GSG1L: variants seen among roughly 807,000 people sequenced by gnomAD.
GSG1L encodes GSG1 like.
Under a neutral mutation model 42.1 loss-of-function variants are expected in GSG1L, and 24 were observed. That is an observed-to-expected ratio of 0.57 (90% CI 0.41 to 0.80). GSG1L has a LOEUF of 0.80. Ranked by LOEUF, GSG1L falls within the 30% of genes least tolerant of loss-of-function variation. GSG1L has a pLI of 0.00. For synonymous variants in GSG1L, 215 were observed against 203.5 expected, an observed-to-expected ratio of 1.06 and a Z score of -0.48; for missense variants, 445 against 472.2, an observed-to-expected ratio of 0.94 and a Z score of 0.53.
intron 1 of GSG1L, among the ~76,000 whole-genome samples, chr16:28,054,377 C>T (rs924559677): frequency 6.6e-6 from 1 of 152,176 alleles, no homozygotes; most frequent in Non-Finnish European, 1.5e-5. Flanking sequence ...ACCCACATCA[C>T]CCACACTTTG....
At chr16:28,018,685 C>A (rs1015114771) in intron 1 of GSG1L, among the ~76,000 whole-genome samples, 1 of 151,972 alleles carries the variant, frequency 6.6e-6, no homozygotes, top group South Asian at 2.1e-4. Context: ...ATGCCACCTT[C>A]CCCCCACCCC....
At chr16:28,031,308 GATGGA>G (rs1400304614) in intron 1 of GSG1L, among the ~76,000 whole-genome samples, 1 of 144,720 alleles carries the variant, frequency 6.9e-6, no homozygotes, top group African/African-American at 2.5e-5. Flanking sequence ...GATGGGATGA[GATGGA>G]ATGGGATGGG....
chr16:27,900,338 C>T (rs1045928856), intron 2 of GSG1L, among the ~76,000 whole-genome samples: 1 of 152,226 alleles, frequency 6.6e-6, no homozygotes, highest in Non-Finnish European at 1.5e-5. Flanking sequence ...TTACCATCTC[C>T]ACGTCATGGA....
At position 27,939,931 on chromosome 16, in the gene GSG1L, T is replaced by G. The variant is rs1283864041; in HGVS notation, c.397+23225A>C. On this transcript the variant is annotated intron_variant, in intron 2 of 6. Coordinates refer to ENST00000447459, the MANE Select transcript of GSG1L (RefSeq NM_001109763.2). ...CCTGGGCTCAAATGATCCTCCTGCC[T>G]TGGCCTCCCAAAGTGCCGGGATTAC... Among the ~76,000 whole-genome samples the G allele has an allele frequency of 2.0e-5, 3 of 152,194 alleles. No individual in the cohort carries two copies. The East Asian group carries it at 5.8e-4, about 29-fold the overall frequency.
intron 3 of GSG1L, among the ~76,000 whole-genome samples, chr16:27,866,236 A>G (rs1442394435): frequency 1.3e-5 from 2 of 152,176 alleles, no homozygotes; most frequent in African/African-American, 2.4e-5. Flanking sequence ...TACATGAACT[A>G]CATACAGTGT....
At chr16:27,894,410 G>A (rs2084165653) in intron 2 of GSG1L, among the ~76,000 whole-genome samples, 1 of 152,204 alleles carries the variant, frequency 6.6e-6, no homozygotes, top group African/African-American at 2.4e-5. Flanking sequence ...GATCAGAGGG[G>A]AATTGTTGCA....
At chr16:27,876,455 C>A (rs1686739349) in intron 3 of GSG1L, among the ~76,000 whole-genome samples, 1 of 152,178 alleles carries the variant, frequency 6.6e-6, no homozygotes, top group African/African-American at 2.4e-5. Context: ...AGCTTCCTGG[C>A]AGCCGATGGA....
intron 1 of GSG1L, among the ~76,000 whole-genome samples, chr16:28,036,165 TTC>T (rs1266547834): frequency 1.3e-5 from 2 of 152,194 alleles, no homozygotes; most frequent in Non-Finnish European, 2.9e-5. Flanking sequence ...GGTTTAAAGA[TTC>T]TCTGTCACCC....
chr16:28,042,661 T>C (rs2086119958), intron 1 of GSG1L, among the ~76,000 whole-genome samples: 1 of 152,040 alleles, frequency 6.6e-6, no homozygotes, highest in African/African-American at 2.4e-5. Flanking sequence ...GGGGAAATCA[T>C]TGCAAATAAG....
intron 2 of GSG1L, among the ~76,000 whole-genome samples, chr16:27,927,090 G>A (rs1320702365): frequency 1.3e-5 from 2 of 152,102 alleles, no homozygotes; most frequent in South Asian, 4.2e-4. Flanking sequence ...ATGTCCTCTC[G>A]AAGCCCCTCC....
chr16:27,885,980 G>T (rs1342541268), intron 2 of GSG1L, among the ~76,000 whole-genome samples: 1 of 152,054 alleles, frequency 6.6e-6, no homozygotes, highest in Non-Finnish European at 1.5e-5. Context: ...CATGCTTTTT[G>T]CCGGGAGAGA....
chr16:27,799,198 G>T (rs552034201), intron 6 of GSG1L, among the ~76,000 whole-genome samples: 16 of 150,800 alleles, frequency 1.1e-4, no homozygotes, highest in Non-Finnish European at 2.2e-4. Context: ...GAGGCCAGGA[G>T]TTCGAGACCG....
intron 2 of GSG1L, among the ~76,000 whole-genome samples, chr16:27,894,477 C>A (rs114245288): frequency 2.4e-3 from 371 of 152,206 alleles, no homozygotes; most frequent in African/African-American, 8.3e-3. Context: ...CCTTTTTTCT[C>A]AAAAAATCCA....
chr16:27,814,992 C>T (rs1460654728), intron 5 of GSG1L, among the ~76,000 whole-genome samples: 1 of 151,628 alleles, frequency 6.6e-6, no homozygotes, highest in Non-Finnish European at 1.5e-5. Flanking sequence ...TGCAGTGGTA[C>T]AATCATAGAT....
chr16:27,831,697 A>C (rs2083276201), intron 4 of GSG1L, among the ~76,000 whole-genome samples: 1 of 152,242 alleles, frequency 6.6e-6, no homozygotes, highest in Non-Finnish European at 1.5e-5. Context: ...GCAGAGCCAG[A>C]CAGGCAATGG....
intron 1 of GSG1L, among the ~76,000 whole-genome samples, chr16:28,026,821 C>A (rs2085905990): frequency 6.6e-6 from 1 of 152,166 alleles, no homozygotes; most frequent in Non-Finnish European, 1.5e-5. Flanking sequence ...GTGGCTCATG[C>A]CTGTAATCCC....
chr16:28,050,829 C>G (rs1011938539), intron 1 of GSG1L, among the ~76,000 whole-genome samples: 2 of 152,164 alleles, frequency 1.3e-5, no homozygotes, highest in African/African-American at 4.8e-5. Flanking sequence ...GCCACCATCA[C>G]CAATGTATCT....
intron 1 of GSG1L, among the ~76,000 whole-genome samples, chr16:27,966,108 G>T (rs555095748): frequency 6.6e-6 from 1 of 152,134 alleles, no homozygotes; most frequent in African/African-American, 2.4e-5. Context: ...CTGTTCACTC[G>T]CATACCTGAG....
chr16:27,800,972 A>T (rs1440830111), intron 6 of GSG1L, among the ~76,000 whole-genome samples: 1 of 152,114 alleles, frequency 6.6e-6, no homozygotes, highest in Non-Finnish European at 1.5e-5. Context: ...TGATATGGGG[A>T]TGACTGGGGA....
Sources: gnomAD v4.1 joint callset for allele counts (sites outside exome capture counted in the v4.1 genomes callset) on GRCh38, gnomAD v4.1.1 for gene constraint, MANE v1.5 for transcripts, NCBI Gene and HGNC (gene_info 2026-07-23, HGNC 2026-07-21) for gene names.